Variants in TMC1 observed in about 807,000 individuals in gnomAD.
The protein encoded by TMC1 is transmembrane channel-like protein 1.
TMC1 carries 84 observed loss-of-function variants against 105.8 expected under a neutral mutation model. That is an observed-to-expected ratio of 0.79 (90% CI 0.67 to 0.95). TMC1 has a LOEUF of 0.95. Ranked by LOEUF, TMC1 falls within the 40% of genes least tolerant of loss-of-function variation. The pLI, the probability that TMC1 is intolerant of heterozygous loss-of-function variation, is 0.00. For synonymous variants in TMC1, 315 were observed against 311.5 expected, an observed-to-expected ratio of 1.01 and a Z score of -0.12; for missense variants, 817 against 914.1, an observed-to-expected ratio of 0.89 and a Z score of 1.37.
In TMC1 at chr9:72,801,333, A is replaced by G. The variant is rs191899837; in HGVS notation, c.1567-4049A>G. Among the ~76,000 whole-genome samples, 6 of 152,236 alleles carry G rather than the reference A, an allele frequency of 3.9e-5. No homozygotes were observed. In the East Asian group the frequency reaches 1.2e-3, roughly 29 times the overall value. Reference sequence around the variant, plus strand: ...TAATGTGCCAAGTATTTCCTCCTCAAATTTTTACGTTTCATTCTGAGATAC... The same window carrying G: ...TAATGTGCCAAGTATTTCCTCCTCAGATTTTTACGTTTCATTCTGAGATAC... On this transcript the variant is annotated intron_variant, in intron 17 of 23. Transcript: ENST00000297784.
chr9:72,764,041 T>C (rs1827794613), intron 12 of TMC1, among the ~76,000 whole-genome samples: 2 of 152,150 alleles, frequency 1.3e-5, no homozygotes, highest in South Asian at 4.1e-4. Context: ...TTGAGTTAGG[T>C]TAGAACTTCA....
intron 3 of TMC1, among the ~76,000 whole-genome samples, chr9:72,622,185 T>G (rs552351337): frequency 6.6e-6 from 1 of 152,268 alleles, no homozygotes; most frequent in South Asian, 2.1e-4. Flanking sequence ...CAGAGTAACT[T>G]CAGCCTGTCC....
intron 1 of TMC1, among the ~76,000 whole-genome samples, chr9:72,564,618 A>G (rs1824116039): frequency 6.6e-6 from 1 of 152,224 alleles, no homozygotes; most frequent in Non-Finnish European, 1.5e-5. Context: ...TGCTGGAAAA[A>G]AACTTTTCCA....
chr9:72,733,001 C>G (rs1827239720), intron 8 of TMC1, among the ~76,000 whole-genome samples: 1 of 152,112 alleles, frequency 6.6e-6, no homozygotes, highest in Non-Finnish European at 1.5e-5. Context: ...TAACTCTCCC[C>G]AAATCACACA....
At chr9:72,822,105 C>T (rs1828884653) in intron 20 of TMC1, among the ~76,000 whole-genome samples, 1 of 152,186 alleles carries the variant, frequency 6.6e-6, no homozygotes, top group Admixed American at 6.5e-5. Flanking sequence ...ACCTAAGTCC[C>T]TGGGATCTGG....
intron 12 of TMC1, among the ~76,000 whole-genome samples, chr9:72,765,553 G>A (rs1827816259): frequency 6.6e-6 from 1 of 151,088 alleles, no homozygotes; most frequent in African/African-American, 2.4e-5. Context: ...GCATGAGATA[G>A]TGCTATGCTC....
chr9:72,641,448 C>T (rs560393738), intron 4 of TMC1, among the ~76,000 whole-genome samples: 2 of 152,316 alleles, frequency 1.3e-5, no homozygotes, highest in Admixed American at 6.5e-5. Flanking sequence ...AAACAGTCCT[C>T]TTCACTGTCC....
At chr9:72,625,653 G>A (rs1825333961) in intron 3 of TMC1, among the ~76,000 whole-genome samples, 1 of 147,998 alleles carries the variant, frequency 6.8e-6, no homozygotes. Context: ...GCGCCACTGT[G>A]CTCCAGCCTG....
intron 5 of TMC1, among the ~76,000 whole-genome samples, chr9:72,687,182 G>A (rs943337842): frequency 2.0e-5 from 3 of 151,952 alleles, no homozygotes; most frequent in African/African-American, 4.8e-5. Flanking sequence ...CTAATACATC[G>A]TGCAAATGTT....
chr9:72,607,241 A>T (rs1258822011), intron 2 of TMC1, among the ~76,000 whole-genome samples: 1 of 152,136 alleles, frequency 6.6e-6, no homozygotes, highest in Non-Finnish European at 1.5e-5. Flanking sequence ...AGCATTACAA[A>T]CAGATGACCA....
At position 72,805,406 on chromosome 9, in the gene TMC1, G is replaced by C; in HGVS notation, c.1591G>C (p.Asp531His). ...GQEFVRLTVS[D>H]VLTTYVTILI... is the part of the protein sequence containing the mutation. ...GGAGTTTGTGAGGCTGACAGTCTCT[G>C]ATGTTCTGACCACCTACGTCACAAT... The change falls in exon 18 of 24, where the codon GAT becomes CAT. Residue 531 changes from aspartate to histidine, a missense_variant. Coordinates refer to ENST00000297784, the MANE Select transcript of TMC1 (RefSeq NM_138691.3). 6.2e-7 allele frequency: 1 copy of C among 1,613,950 alleles called. No individual in the cohort carries two copies. Among genetic ancestry groups the C allele is most frequent in the Non-Finnish European group, 8.5e-7 (1 of 1,179,922 alleles).
At chr9:72,586,697 G>C (rs1464137787) in intron 2 of TMC1, among the ~76,000 whole-genome samples, 1 of 152,254 alleles carries the variant, frequency 6.6e-6, no homozygotes. Context: ...TGCGGGGAGA[G>C]ACTGTGAGTT....
At chr9:72,746,114 T>G (rs1827485660) in intron 10 of TMC1, among the ~76,000 whole-genome samples, 1 of 152,234 alleles carries the variant, frequency 6.6e-6, no homozygotes, top group Admixed American at 6.5e-5. Context: ...TGTACCCTAC[T>G]TATAGAATAC....
intron 3 of TMC1, among the ~76,000 whole-genome samples, chr9:72,625,408 G>T (rs1825329239): frequency 6.6e-6 from 1 of 151,996 alleles, no homozygotes; most frequent in Admixed American, 6.6e-5. Context: ...ATCAGGGGTG[G>T]CCAGGCACGG....
intron 10 of TMC1, among the ~76,000 whole-genome samples, chr9:72,749,480 A>G (rs1157282658): frequency 6.6e-6 from 1 of 152,142 alleles, no homozygotes; most frequent in Admixed American, 6.5e-5. Context: ...GAATGTAGAT[A>G]ACGGCCATGA....
chr9:72,765,115 A>G (rs1049389936), intron 12 of TMC1, among the ~76,000 whole-genome samples: 1 of 152,190 alleles, frequency 6.6e-6, no homozygotes, highest in Admixed American at 6.5e-5. Flanking sequence ...TGGAGGAACA[A>G]TCCGGAATTC....
At chr9:72,545,063 A>G (rs753486576) in intron 1 of TMC1, among the ~76,000 whole-genome samples, 2 of 151,720 alleles carry the variant, frequency 1.3e-5, no homozygotes, top group African/African-American at 4.8e-5. Context: ...TGAGTCTCCA[A>G]TTCCACCCAG....
At chr9:72,639,272 A>T (rs1825585878) in intron 4 of TMC1, among the ~76,000 whole-genome samples, 1 of 152,290 alleles carries the variant, frequency 6.6e-6, no homozygotes, top group East Asian at 1.9e-4. Flanking sequence ...AATTAGTGTG[A>T]TATAAATTTC....
At chr9:72,822,841 A>G (rs887487654) in intron 20 of TMC1, among the ~76,000 whole-genome samples, 29 of 152,186 alleles carry the variant, frequency 1.9e-4, no homozygotes, top group African/African-American at 4.3e-4. Flanking sequence ...AAACCACACA[A>G]TGTAAACATG....
Sources: gnomAD v4.1 joint callset for allele counts (sites outside exome capture counted in the v4.1 genomes callset) on GRCh38, gnomAD v4.1.1 for gene constraint, MANE v1.5 for transcripts, NCBI Gene and HGNC (gene_info 2026-07-23, HGNC 2026-07-21) for gene names.